The following COG5 variants were observed in gnomAD, a reference collection of about 807,000 sequenced individuals.
COG5 encodes conserved oligomeric Golgi complex subunit 5.
Under a neutral mutation model 110.4 loss-of-function variants are expected in COG5, and 86 were observed. The observed-to-expected ratio is 0.78, with a 90% CI of 0.65 to 0.93. COG5 has a LOEUF of 0.93. COG5 is among the 40% of genes least tolerant of loss of function. The pLI is 0.00. For missense variants in COG5, 1,077 were observed against 987.0 expected (o/e 1.09, Z -1.22); for synonymous variants, 360 against 334.6 (o/e 1.08, Z -0.83).
chr7:107,382,423 G>A (rs182521632), intron 7 of COG5, among the ~76,000 whole-genome samples: 2 of 152,238 alleles, frequency 1.3e-5, no homozygotes, highest in East Asian at 3.9e-4. Flanking sequence ...TAAAACTGAA[G>A]TCTGTTTTTC....
chr7:107,501,211 A>AT (rs1457846006), intron 6 of COG5, among the ~76,000 whole-genome samples: 1 of 152,008 alleles, frequency 6.6e-6, no homozygotes, highest in Non-Finnish European at 1.5e-5. Flanking sequence ...ATTAAGACAC[A>AT]TTTTTTTCAA....
At chr7:107,373,014 TAAC>T (rs1299723092) in intron 7 of COG5, among the ~76,000 whole-genome samples, 1 of 152,242 alleles carries the variant, frequency 6.6e-6, no homozygotes, top group Non-Finnish European at 1.5e-5. Flanking sequence ...CTTTAAAAAA[TAAC>T]AAGAAGTTTG....
chr7:107,401,678 C>T (rs1563012295), intron 7 of COG5, among the ~76,000 whole-genome samples: 1 of 152,146 alleles, frequency 6.6e-6, no homozygotes, highest in African/African-American at 2.4e-5. Flanking sequence ...GTGGTAAAAA[C>T]AATACTGGGA....
chr7:107,291,872 T>C (rs892781341), intron 12 of COG5, among the ~76,000 whole-genome samples: 1 of 152,208 alleles, frequency 6.6e-6, no homozygotes, highest in African/African-American at 2.4e-5. Flanking sequence ...TCTCCTCCCA[T>C]TGCCTTTCAC....
At chr7:107,366,286 T>C (rs1813605525) in intron 8 of COG5, among the ~76,000 whole-genome samples, 1 of 151,784 alleles carries the variant, frequency 6.6e-6, no homozygotes, top group Non-Finnish European at 1.5e-5. Flanking sequence ...GGAAGCAAAG[T>C]GAAAAAACTC....
chr7:107,535,348 A>C (rs2129163811), intron 5 of COG5, among the ~76,000 whole-genome samples: 1 of 151,504 alleles, frequency 6.6e-6, no homozygotes, highest in African/African-American at 2.4e-5. Flanking sequence ...GACATGAAAA[A>C]CCCTTCAAAA....
At chr7:107,248,637 C>T (rs903604269) in intron 16 of COG5, 138 bp from the exon 17 acceptor site, 2 of 673,950 alleles carry the variant, frequency 3.0e-6, no homozygotes, top group African/African-American at 3.7e-5. Context: ...CAGAAGTCTG[C>T]TCCTCTCCCT....
At chr7:107,206,589 T>A (rs1466544516) in intron 21 of COG5, among the ~76,000 whole-genome samples, 1 of 152,208 alleles carries the variant, frequency 6.6e-6, no homozygotes, top group Non-Finnish European at 1.5e-5. Context: ...CCAAGGTGTA[T>A]GTATCAGCGT....
chr7:107,276,832 T>A (rs949000966), intron 14 of COG5, among the ~76,000 whole-genome samples: 7 of 152,200 alleles, frequency 4.6e-5, no homozygotes, highest in Non-Finnish European at 8.8e-5. Context: ...AAACATAAAA[T>A]TCTTAGTAAA....
intron 1 of COG5, among the ~76,000 whole-genome samples, chr7:107,559,201 C>T (rs950047380): frequency 6.6e-6 from 1 of 151,840 alleles, no homozygotes; most frequent in South Asian, 2.1e-4. Context: ...TTAAAATAGG[C>T]CCCTAATAGA....
chr7:107,273,641 G>A (rs983112068), intron 14 of COG5, among the ~76,000 whole-genome samples: 1 of 152,148 alleles, frequency 6.6e-6, no homozygotes, highest in Non-Finnish European at 1.5e-5. Context: ...AAATCTTCCT[G>A]ATGGTACTGA....
chr7:107,467,214 A>C (rs184747957), intron 6 of COG5, among the ~76,000 whole-genome samples: 1 of 152,212 alleles, frequency 6.6e-6, no homozygotes, highest in African/African-American at 2.4e-5. Flanking sequence ...AATCATATCT[A>C]GTGCTTAGTT....
chr7:107,360,165 C>A (rs914345845), intron 10 of COG5, among the ~76,000 whole-genome samples: 2 of 152,216 alleles, frequency 1.3e-5, no homozygotes, highest in African/African-American at 2.4e-5. Flanking sequence ...CTCCTCTACA[C>A]TGAGGGCTGC....
intron 14 of COG5, among the ~76,000 whole-genome samples, chr7:107,271,312 T>A (rs912856746): frequency 2.6e-5 from 4 of 152,168 alleles, no homozygotes; most frequent in African/African-American, 9.7e-5. Context: ...AATCAATTGA[T>A]CAAATTTTTT....
intron 6 of COG5, among the ~76,000 whole-genome samples, chr7:107,431,465 T>C (rs1242684165): frequency 6.6e-6 from 1 of 152,192 alleles, no homozygotes; most frequent in Non-Finnish European, 1.5e-5. Context: ...TTTACTATTC[T>C]TTCAACTTTT....
intron 19 of COG5, among the ~76,000 whole-genome samples, chr7:107,229,845 G>GTTTTTTTTTTTTGTTTTTTT (rs1800642570): frequency 2.6e-4 from 32 of 122,062 alleles, no homozygotes; most frequent in Non-Finnish European, 3.6e-4. Flanking sequence ...TTTGGTTTTT[G>GTTTTTTTTTTTTGTTTTTTT]TTTTTTTTTT....
At chr7:107,493,487 T>G (rs926031504) in intron 6 of COG5, among the ~76,000 whole-genome samples, 16 of 152,302 alleles carry the variant, frequency 1.1e-4, no homozygotes, top group Admixed American at 3.9e-4. Flanking sequence ...AAAGAATATC[T>G]AAATATGTGA....
chr7:107,350,096 G>T (rs143848587), intron 10 of COG5, among the ~76,000 whole-genome samples: 1 of 152,124 alleles, frequency 6.6e-6, no homozygotes, highest in African/African-American at 2.4e-5. Flanking sequence ...ATAGATGTTG[G>T]ATTCTGTCAA....
chr7:107,277,225 T>G (rs1440399943), intron 14 of COG5, among the ~76,000 whole-genome samples: 2 of 152,154 alleles, frequency 1.3e-5, no homozygotes, highest in Non-Finnish European at 2.9e-5. Flanking sequence ...CAACTTTTCT[T>G]AAATAAAAAA....
Sources: allele counts gnomAD v4.1 joint callset (sites outside exome capture counted in the v4.1 genomes callset), GRCh38; gene constraint gnomAD v4.1.1; transcripts MANE v1.5; gene names NCBI Gene and HGNC (gene_info 2026-07-23, HGNC 2026-07-21).